Variants in FBXL20 observed in about 807,000 individuals in gnomAD.
FBXL20 encodes F-box and leucine rich repeat protein 20, also known as F-box/LRR-repeat protein 20.
A neutral mutation model predicts 64.0 loss-of-function variants in FBXL20; 11 were observed. The observed-to-expected ratio is 0.17, with a 90% CI of 0.11 to 0.28. FBXL20 has a LOEUF of 0.28. Among genes scored for constraint, FBXL20 ranks in the 10% least tolerant of loss-of-function variants. The pLI is 1.00. For synonymous variants in FBXL20, 184 were observed against 189.0 expected (o/e 0.97, Z 0.22); for missense variants, 303 against 526.2 (o/e 0.58, Z 4.15).
chr17:39,291,584 T>C (rs1272669749), intron 6 of FBXL20, among the ~76,000 whole-genome samples: 1 of 151,560 alleles, frequency 6.6e-6, no homozygotes, highest in Non-Finnish European at 1.5e-5. Context: ...CAGACATGCA[T>C]CACCACGCCA....
intron 1 of FBXL20, among the ~76,000 whole-genome samples, chr17:39,394,423 C>T (rs916863583): frequency 2.0e-5 from 3 of 151,708 alleles, no homozygotes; most frequent in African/African-American, 7.3e-5. Context: ...CAGGCACCTG[C>T]CACCACGCCA....
chr17:39,314,765 G>A (rs1056152381), intron 2 of FBXL20, among the ~76,000 whole-genome samples: 4 of 150,244 alleles, frequency 2.7e-5, no homozygotes, highest in African/African-American at 9.8e-5. Flanking sequence ...CGAGCAGTTT[G>A]TGAGGGTTTT....
At chr17:39,277,542 A>G (rs2046909613) in intron 9 of FBXL20, among the ~76,000 whole-genome samples, 1 of 152,058 alleles carries the variant, frequency 6.6e-6, no homozygotes, top group Admixed American at 6.6e-5. Context: ...AGATCACTTG[A>G]GGTCAGGAGT....
intron 1 of FBXL20, among the ~76,000 whole-genome samples, chr17:39,382,092 C>CA (rs36115875): frequency 0.044 from 3,113 of 70,942 alleles, 83 homozygotes; most frequent in Non-Finnish European, 0.052. Flanking sequence ...GACTCCGTCT[C>CA]AAAAAAAAAA....
chr17:39,386,486 T>A (rs1408504658), intron 1 of FBXL20, among the ~76,000 whole-genome samples: 2 of 151,244 alleles, frequency 1.3e-5, no homozygotes, highest in Non-Finnish European at 2.9e-5. Flanking sequence ...TAGCTGGAAG[T>A]GGTAGCGTGC....
intron 9 of FBXL20, among the ~76,000 whole-genome samples, chr17:39,275,400 A>G (rs1486304604): frequency 6.6e-6 from 1 of 151,048 alleles, no homozygotes; most frequent in Non-Finnish European, 1.5e-5. Flanking sequence ...CAATTAAATA[A>G]TTTTATTTAT....
intron 1 of FBXL20, among the ~76,000 whole-genome samples, chr17:39,350,463 TG>T (rs2144589028): frequency 6.9e-6 from 1 of 145,506 alleles, no homozygotes; most frequent in East Asian, 2.0e-4. Context: ...CACTCCAGCC[TG>T]GGCAACAGAG....
At chr17:39,288,938 T>A (rs1054346006) in intron 6 of FBXL20, among the ~76,000 whole-genome samples, 1 of 152,062 alleles carries the variant, frequency 6.6e-6, no homozygotes, top group Non-Finnish European at 1.5e-5. Flanking sequence ...CTCTTGACCT[T>A]GTGATCTGCC....
At chr17:39,372,842 C>T (rs1278654147) in intron 1 of FBXL20, among the ~76,000 whole-genome samples, 2 of 151,786 alleles carry the variant, frequency 1.3e-5, no homozygotes, top group Admixed American at 1.3e-4. Context: ...TCAGGCTGGT[C>T]ACAAACTCCT....
intron 1 of FBXL20, among the ~76,000 whole-genome samples, chr17:39,350,336 A>G (rs1209464777): frequency 6.6e-6 from 1 of 151,972 alleles, no homozygotes; most frequent in Non-Finnish European, 1.5e-5. Flanking sequence ...CTAAAAATAC[A>G]AAATTAGCCA....
chr17:39,340,657 G>C (rs1327884853), intron 2 of FBXL20, among the ~76,000 whole-genome samples: 1 of 151,742 alleles, frequency 6.6e-6, no homozygotes, highest in Admixed American at 6.6e-5. Context: ...TTTTGTTTAA[G>C]TATGACACTA....
chr17:39,345,181 TTTC>T (rs1049663238), intron 1 of FBXL20, among the ~76,000 whole-genome samples: 6 of 152,136 alleles, frequency 3.9e-5, no homozygotes, highest in African/African-American at 1.4e-4. Flanking sequence ...ATCAGGCACT[TTTC>T]TAGACAATGG....
At chr17:39,271,969 C>T (rs2046848075) in intron 10 of FBXL20, among the ~76,000 whole-genome samples, 1 of 152,030 alleles carries the variant, frequency 6.6e-6, no homozygotes, top group Non-Finnish European at 1.5e-5. Context: ...AAATGGATGG[C>T]GGGGTGCGGT....
Position 39,282,646 on chromosome 17 carries a change from C to A in FBXL20, c.621+83G>T, listed in dbSNP as rs758822690. ...CACACAACTAACCTTTCCCTCCAGA[C>A]AAACATCTTGGGGCTGTCTATAAAG... On this transcript the variant is annotated intron_variant, in intron 8 of 14. Coordinates refer to ENST00000264658, the MANE Select transcript of FBXL20 (RefSeq NM_032875.3). 4.2e-4 allele frequency: 660 copies of A among 1,573,006 alleles called. 2 individuals are homozygous for A. The highest frequency in any genetic ancestry group is 2.3e-4 in the Admixed American group (13 of 57,040).
At chr17:39,389,411 G>C (rs778046206) in intron 1 of FBXL20, among the ~76,000 whole-genome samples, 67 of 152,152 alleles carry the variant, frequency 4.4e-4, no homozygotes, top group Non-Finnish European at 8.5e-4. Context: ...TTTTCAAAAA[G>C]CTGATAAGGA....
chr17:39,361,016 A>T (rs1185210272), intron 1 of FBXL20, among the ~76,000 whole-genome samples: 1 of 152,190 alleles, frequency 6.6e-6, no homozygotes, highest in Non-Finnish European at 1.5e-5. Context: ...ACACCCGTTC[A>T]GCCTTTGCCT....
At chr17:39,302,471 T>G (rs895987834) in intron 3 of FBXL20, among the ~76,000 whole-genome samples, 2 of 151,670 alleles carry the variant, frequency 1.3e-5, no homozygotes, top group Non-Finnish European at 2.9e-5. Context: ...CCTCCCGGGT[T>G]CACGCCATTC....
At chr17:39,393,619 T>C (rs905004264) in intron 1 of FBXL20, among the ~76,000 whole-genome samples, 5 of 152,188 alleles carry the variant, frequency 3.3e-5, no homozygotes, top group African/African-American at 4.8e-5. Flanking sequence ...TATAAATTCA[T>C]TATATTTCCA....
In FBXL20 at chr17:39,275,021, T is replaced by C. The variant is rs142284765; in HGVS notation, c.776A>G (p.Asn259Ser). Residue 259 changes from asparagine (N) to serine (S), a missense_variant, in exon 10 of 15, where the codon AAC becomes AGC. Physicochemically the swap from Asn to Ser is conservative, Grantham distance 46. Coordinates refer to ENST00000264658, the MANE Select transcript of FBXL20 (RefSeq NM_032875.3). ...AGCATTCAGGATGGCATCTGTGATG[T>C]TGGAGCAGCCAGAGGCACAAAGGGA... ...LQSLCASGCSNITDAILNALG... is the reference protein window; with the variant it reads ...LQSLCASGCSSITDAILNALG... The C allele has an allele frequency of 7.9e-5, 127 of 1,614,130 alleles. No homozygotes were observed. The African/African-American group carries it at 1.3e-3, about 17-fold the overall frequency.
Sources: gnomAD v4.1 joint callset for allele counts (sites outside exome capture counted in the v4.1 genomes callset) on GRCh38, gnomAD v4.1.1 for gene constraint, MANE v1.5 for transcripts, NCBI Gene and HGNC (gene_info 2026-07-23, HGNC 2026-07-21) for gene names.